Variants in ENPEP observed in about 807,000 individuals in gnomAD.
ENPEP encodes the protein AP-A.
In ENPEP, 103 loss-of-function variants were observed where a neutral mutation model predicts 114.5. The ratio of observed to expected loss-of-function variants is 0.90; its 90% CI spans 0.77 to 1.06. The LOEUF (loss-of-function observed/expected upper bound fraction) is 1.06, where lower values mean the gene tolerates loss of function less well. ENPEP is among the 50% of genes least tolerant of loss of function. The pLI is 0.00. For missense variants in ENPEP, 1,196 were observed against 1,161.3 expected (o/e 1.03, Z -0.43); for synonymous variants, 420 against 422.0 (o/e 1.00, Z 0.06).
intron 2 of ENPEP, among the ~76,000 whole-genome samples, 175 bp from the exon 3 acceptor site, chr4:110,490,858 A>C (rs1474885483): frequency 6.6e-6 from 1 of 152,224 alleles, no homozygotes; most frequent in Admixed American, 6.5e-5. Context: ...AGTTCTAAAA[A>C]CAAAGTAAAT....
intron 8 of ENPEP, among the ~76,000 whole-genome samples, chr4:110,516,087 A>G (rs967694860): frequency 3.3e-5 from 5 of 152,236 alleles, no homozygotes; most frequent in South Asian, 2.1e-4. Context: ...TGATATAAAC[A>G]TCTAAATTTA....
chr4:110,543,124 A>ATCTT lies in ENPEP; in HGVS notation c.2000+56_2000+59dup. Reference sequence around the variant, plus strand: ...TAAAATACTGTGGGTTTTCTCATAAATCTTTTAAAAATGAATTAAACATTG... The same window carrying ATCTT: ...TAAAATACTGTGGGTTTTCTCATAAATCTTTCTTTTAAAAATGAATTAAACATTG... On this transcript the variant is annotated intron_variant, in intron 13 of 19. Transcript: ENST00000265162. 2.7e-6 allele frequency: 4 copies of ATCTT among 1,502,274 alleles called. No homozygotes were observed. The South Asian group carries it at 4.6e-5, about 17-fold the overall frequency. The allele number at this position is 1,502,274 out of a possible 1,614,324, so 93.1% of individuals were successfully genotyped here. A position where few individuals can be genotyped will look rare whatever the true frequency, so the allele number is the denominator to read the frequency against.
chr4:110,559,634 A>C lies in ENPEP; in HGVS notation c.2643-13A>C. The C allele has an allele frequency of 6.3e-7, 1 of 1,595,822 alleles. No individual in the cohort carries two copies. The highest frequency in any genetic ancestry group is 8.6e-7 in the Non-Finnish European group (1 of 1,164,516). On this transcript the variant is annotated splice_polypyrimidine_tract_variant and intron_variant, in intron 18 of 19. Transcript: ENST00000265162. ...AGCACTTACACTTCCTTTTACTCTA[A>C]ATTTCTCTCCAGATATACACTCAAT...
intron 11 of ENPEP, among the ~76,000 whole-genome samples, chr4:110,537,042 A>G (rs1726660974): frequency 6.6e-6 from 1 of 152,218 alleles, no homozygotes. Flanking sequence ...ATTTATTGCT[A>G]AAAATGCTAA....
rs1727715365 is a variant in ENPEP at position 110,562,593 on chromosome 4, T to G, written c.*1035T>G. On this transcript the variant is annotated 3_prime_UTR_variant, in exon 20 of 20. Transcript: ENST00000265162. ...TCTGCATATCTGAGCATATATCTCC[T>G]TATAGATCAATTTTATGTATAAACC... 1.3e-5 allele frequency: 2 copies of G among 152,166 alleles called. No homozygotes were observed. The highest frequency in any genetic ancestry group is 4.8e-5 in the African/African-American group (2 of 41,456). The allele number at this position is 152,166 out of a possible 1,614,324, so 9.4% of individuals were successfully genotyped here. A position where few individuals can be genotyped will look rare whatever the true frequency, so the allele number is the denominator to read the frequency against.
chr4:110,509,243 CTG>C (rs1244026256), intron 4 of ENPEP, among the ~76,000 whole-genome samples: 2 of 152,180 alleles, frequency 1.3e-5, no homozygotes, highest in Non-Finnish European at 2.9e-5. Flanking sequence ...CTTGAATAAT[CTG>C]TGTCTTTGGA....
chr4:110,488,197 G>C (rs1376253295), intron 1 of ENPEP, among the ~76,000 whole-genome samples: 1 of 152,204 alleles, frequency 6.6e-6, no homozygotes, highest in Non-Finnish European at 1.5e-5. Context: ...GGTGGAGAGA[G>C]TACTAGCTCA....
At chr4:110,486,102 C>A (rs1413028700) in intron 1 of ENPEP, among the ~76,000 whole-genome samples, 1 of 152,030 alleles carries the variant, frequency 6.6e-6, no homozygotes, top group Non-Finnish European at 1.5e-5. Flanking sequence ...TAATTTTTTC[C>A]TTCAAATATT....
intron 13 of ENPEP, among the ~76,000 whole-genome samples, chr4:110,545,888 G>A (rs1578416828): frequency 6.6e-6 from 1 of 151,982 alleles, no homozygotes; most frequent in South Asian, 2.1e-4. Context: ...TCTTCACTCT[G>A]AGGCCAGAGC....
intron 6 of ENPEP, 124 bp from the exon 7 acceptor site, chr4:110,513,291 A>G (rs1336469394): frequency 7.5e-6 from 8 of 1,065,638 alleles, no homozygotes; most frequent in African/African-American, 1.6e-5. Context: ...TTGAAGACCT[A>G]ATGTTTAAGT....
rs1726891754 is a variant in ENPEP, at chr4:110,542,654, CTTTTCTTTTA to C, written c.1808-87_1808-78del. 6 of 1,252,580 alleles carry C rather than the reference CTTTTCTTTTA, an allele frequency of 4.8e-6. No individual in the cohort carries two copies. In the South Asian group the frequency reaches 1.1e-4, roughly 23 times the overall value. 77.6% of individuals were successfully genotyped at this position (1,252,580 alleles called of 1,614,324 possible). A position where few individuals can be genotyped will look rare whatever the true frequency, so the allele number is the denominator to read the frequency against. ...AACCTGCCTCCTTGAGCTAATATTT[CTTTTCTTTTA>C]TTTTCTTTTTGCCCTCTGGGTCTAA... On this transcript the variant is annotated intron_variant, in intron 11 of 19. Transcript: ENST00000265162.
rs200476816 is a variant in ENPEP, at chr4:110,488,456, A to AT, written c.645-76dup. The AT allele has an allele frequency of 5.6e-4, 786 of 1,394,290 alleles. 2 individuals carry two copies. Among genetic ancestry groups the AT allele is most frequent in the African/African-American group, 3.7e-3 (252 of 68,706 alleles). 86.4% of individuals were successfully genotyped at this position (1,394,290 alleles called of 1,614,324 possible). A position where few individuals can be genotyped will look rare whatever the true frequency, so the allele number is the denominator to read the frequency against. On this transcript the variant is annotated intron_variant, in intron 1 of 19. Coordinates refer to ENST00000265162, the MANE Select transcript of ENPEP (RefSeq NM_001977.4). The stretch of plus-strand genomic sequence containing the variant: ...TGTAATAGTTATAATTGCATAGCTG[A>AT]TTTTTTTTTCCCCTAGGAATAGAGA...
chr4:110,495,815 T>C (rs1203797771), intron 3 of ENPEP, among the ~76,000 whole-genome samples: 5 of 152,158 alleles, frequency 3.3e-5, no homozygotes, highest in African/African-American at 9.7e-5. Context: ...TTGAATTTCT[T>C]TGGGGGCATT....
intron 10 of ENPEP, among the ~76,000 whole-genome samples, chr4:110,523,064 C>G (rs945626560): frequency 2.0e-5 from 3 of 152,094 alleles, no homozygotes; most frequent in African/African-American, 4.8e-5. Context: ...ATGACTGGAG[C>G]TGAGGTAGGC....
At chr4:110,525,496 G>A (rs1225896545) in intron 10 of ENPEP, among the ~76,000 whole-genome samples, 4 of 152,132 alleles carry the variant, frequency 2.6e-5, no homozygotes, top group Non-Finnish European at 2.9e-5. Context: ...TCCCACCCAC[G>A]TGTCCTCTAA....
At chr4:110,549,269 G>A (rs977195461) in intron 14 of ENPEP, 77 bp from the exon 15 acceptor site, 4 of 1,141,738 alleles carry the variant, frequency 3.5e-6, no homozygotes, top group Admixed American at 3.5e-5. Flanking sequence ...TATAACAGGG[G>A]CTGCTGAGTA....
At chr4:110,499,044 G>A (rs1208702645) in intron 3 of ENPEP, among the ~76,000 whole-genome samples, 1 of 152,094 alleles carries the variant, frequency 6.6e-6, no homozygotes, top group Non-Finnish European at 1.5e-5. Flanking sequence ...TGTGTTGTGT[G>A]GGCATCAAGA....
At chr4:110,481,762 C>A (rs1724319210) in intron 1 of ENPEP, among the ~76,000 whole-genome samples, 1 of 152,212 alleles carries the variant, frequency 6.6e-6, no homozygotes, top group East Asian at 1.9e-4. Flanking sequence ...ATGCAATCTC[C>A]GTAGTTTAAA....
At chr4:110,497,164 G>T (rs1258568233) in intron 3 of ENPEP, among the ~76,000 whole-genome samples, 2 of 152,164 alleles carry the variant, frequency 1.3e-5, no homozygotes, top group South Asian at 2.1e-4. Flanking sequence ...TGTTATTGTG[G>T]TGTTCTAAAG....
Sources: allele counts gnomAD v4.1 joint callset (sites outside exome capture counted in the v4.1 genomes callset), GRCh38; gene constraint gnomAD v4.1.1; transcripts MANE v1.5; gene names NCBI Gene and HGNC (gene_info 2026-07-23, HGNC 2026-07-21).